KNL1: variants seen among roughly 807,000 people sequenced by gnomAD.
KNL1 encodes kinetochore scaffold 1, also known as outer kinetochore KNL1 complex subunit KNL1.
Under a neutral mutation model 201.3 loss-of-function variants are expected in KNL1, and 66 were observed. The ratio of observed to expected loss-of-function variants is 0.33; its 90% CI spans 0.27 to 0.40. KNL1 has a LOEUF of 0.40. Among genes scored for constraint, KNL1 ranks in the 10% least tolerant of loss-of-function variants. The pLI, the probability that KNL1 is intolerant of heterozygous loss-of-function variation, is 1.00. For synonymous variants in KNL1, 895 were observed against 899.2 expected (o/e 1.00, Z 0.08); for missense variants, 2,815 against 2,690.5 (o/e 1.05, Z -1.02).
intron 25 of KNL1, among the ~76,000 whole-genome samples, chr15:40,661,588 CA>C (rs1427283684): frequency 2.0e-5 from 3 of 152,206 alleles, no homozygotes; most frequent in Non-Finnish European, 4.4e-5. Flanking sequence ...AGATACTTCA[CA>C]ATTACATATA....
intron 14 of KNL1, among the ~76,000 whole-genome samples, chr15:40,642,305 G>C (rs375690034): frequency 6.6e-6 from 1 of 151,744 alleles, no homozygotes; most frequent in Non-Finnish European, 1.5e-5. Flanking sequence ...AGGCTGAGGC[G>C]GGAGAATGGC....
At chr15:40,661,867 C>T (rs550824708) in intron 25 of KNL1, among the ~76,000 whole-genome samples, 1 of 152,040 alleles carries the variant, frequency 6.6e-6, no homozygotes, top group Admixed American at 6.6e-5. Flanking sequence ...ACAGTGAAAC[C>T]CCATCTCTAC....
Position 40,625,713 on chromosome 15 carries a change from T to G in KNL1, c.5376+73T>G, listed in dbSNP as rs780145466. On this transcript the variant is annotated intron_variant, in intron 10 of 25. Coordinates refer to ENST00000399668, the MANE Select transcript of KNL1 (RefSeq NM_144508.5). ...TTTTGTTTTCTTAAATTGTGGGTAT[T>G]CTCAAATTTTAATCTTAGTCTCGGG... 7 of 1,185,502 alleles carry G rather than the reference T, an allele frequency of 5.9e-6. No homozygotes were observed. In the East Asian group the frequency reaches 1.2e-4, roughly 21 times the overall value. 73.4% of individuals were successfully genotyped at this position (1,185,502 alleles called of 1,614,324 possible).
intron 13 of KNL1, among the ~76,000 whole-genome samples, chr15:40,636,419 A>G (rs895315445): frequency 1.3e-5 from 2 of 152,226 alleles, no homozygotes; most frequent in East Asian, 1.9e-4. Context: ...GTGTTATGAA[A>G]GTTTATGATG....
intron 14 of KNL1, among the ~76,000 whole-genome samples, chr15:40,641,867 G>T (rs1893239277): frequency 1.3e-5 from 2 of 152,176 alleles, no homozygotes; most frequent in Non-Finnish European, 2.9e-5. Context: ...GTTTTACGTA[G>T]AAGATAGCTC....
rs576906125 is a variant in KNL1 at position 40,611,240 on chromosome 15, C to T, written c.251-238C>T. 1.5e-4 allele frequency among the ~76,000 whole-genome samples: 23 copies of T among 151,858 alleles called. No homozygotes were observed. The South Asian group carries it at 4.8e-3, about 32-fold the overall frequency. ...TCTCCTACCTCAGCCTCCTGAGTAG[C>T]TGGGATTACATGTGCACGCCACCAC... is the stretch of plus-strand genomic sequence containing the variant. On this transcript the variant is annotated intron_variant, in intron 6 of 25. Coordinates refer to ENST00000399668, the MANE Select transcript of KNL1 (RefSeq NM_144508.5).
At position 40,622,381 on chromosome 15, in the gene KNL1, G is replaced by C; in HGVS notation, c.2117G>C (p.Gly706Ala). The C allele has an allele frequency of 6.2e-7, 1 of 1,613,798 alleles. No individual in the cohort carries two copies. The highest frequency in any genetic ancestry group is 8.5e-7 in the Non-Finnish European group (1 of 1,179,828). Residue 706 changes from glycine to alanine, a missense_variant, in exon 10 of 26, where the codon GGA becomes GCA. Physicochemically the swap from Gly to Ala is moderately conservative, Grantham distance 60. This residue lies in a region of KNL1 where 2,464 missense variants were observed against 2,291.7 expected (regional missense o/e 1.08). Transcript: ENST00000399668. ...FSTTKPLFSS[G>A]QFSMKNHDTA... Reference sequence around the variant, plus strand: ...ACCACAAAGCCATTATTTTCATCAGGACAGTTCTCTATGAAAAATCATGAT... The same window carrying C: ...ACCACAAAGCCATTATTTTCATCAGCACAGTTCTCTATGAAAAATCATGAT...
intron 13 of KNL1, among the ~76,000 whole-genome samples, chr15:40,637,487 G>A (rs1305509107): frequency 1.3e-5 from 2 of 151,988 alleles, no homozygotes; most frequent in Admixed American, 6.6e-5. Context: ...ATATACTCCA[G>A]GTTGAGCATC....
intron 1 of KNL1, among the ~76,000 whole-genome samples, chr15:40,600,579 G>C (rs1891762276): frequency 6.6e-6 from 1 of 152,238 alleles, no homozygotes; most frequent in Admixed American, 6.5e-5. Flanking sequence ...GGCAGAGGCA[G>C]GTGGATCGAA....
intron 17 of KNL1, 135 bp from the exon 18 acceptor site, chr15:40,650,166 G>A: frequency 1.7e-6 from 1 of 581,930 alleles, no homozygotes; most frequent in African/African-American, 2.0e-5. Flanking sequence ...TAGAACTTCT[G>A]AACTTCCTAC....
intron 15 of KNL1, 31 bp from the exon 16 acceptor site, chr15:40,645,625 G>T: frequency 7.9e-7 from 1 of 1,260,208 alleles, no homozygotes; most frequent in Non-Finnish European, 1.1e-6. Flanking sequence ...GTTTGTTTTA[G>T]TACAGTGTTC....
At chr15:40,627,062 T>G (rs1892775118) in intron 10 of KNL1, among the ~76,000 whole-genome samples, 1 of 151,902 alleles carries the variant, frequency 6.6e-6, no homozygotes. Flanking sequence ...ACCCGGCTAA[T>G]CTTTGTATTT....
At chr15:40,607,942 C>G (rs1892026283) in intron 4 of KNL1, among the ~76,000 whole-genome samples, 1 of 151,964 alleles carries the variant, frequency 6.6e-6, no homozygotes, top group African/African-American at 2.4e-5. Flanking sequence ...AATTCCACTT[C>G]TGGATATATA....
At chr15:40,658,399 G>A (rs1201853602) in intron 24 of KNL1, among the ~76,000 whole-genome samples, 1 of 151,316 alleles carries the variant, frequency 6.6e-6, no homozygotes, top group Non-Finnish European at 1.5e-5. Context: ...CACGGTGGCA[G>A]GTGCCTGTAA....
chr15:40,651,312 A>C (rs1893555417), intron 19 of KNL1, among the ~76,000 whole-genome samples, 159 bp from the exon 20 acceptor site: 1 of 151,210 alleles, frequency 6.6e-6, no homozygotes, highest in Admixed American at 6.6e-5. Flanking sequence ...AAAAAAAAAA[A>C]CTAAACTAAG....
rs1444985789 is a variant in KNL1 at position 40,634,635 on chromosome 15, A to G, written c.5682+5264A>G. ...CCAGTAGAATCCTCTTGCCTCAGCTATAGATAGGGAGGAGAAAGGAGCTTA... is the reference window on the plus strand; with the variant it reads ...CCAGTAGAATCCTCTTGCCTCAGCTGTAGATAGGGAGGAGAAAGGAGCTTA... On this transcript the variant is annotated intron_variant, in intron 13 of 25. Transcript: ENST00000399668. Among the ~76,000 whole-genome samples, 4 of 152,232 alleles carry G rather than the reference A, an allele frequency of 2.6e-5. No individual in the cohort carries two copies. In the East Asian group the frequency reaches 5.8e-4, roughly 22 times the overall value.
In KNL1 at chr15:40,652,166, A is replaced by G. The variant is rs1893585415; in HGVS notation, c.6415+61A>G. ...AAATGAATGGCTACACTCACTAAAG[A>G]TTCAAATCTTTATTTTACTATACTG... is the stretch of plus-strand genomic sequence containing the variant. On this transcript the variant is annotated intron_variant, in intron 21 of 25. Transcript: ENST00000399668. 5 of 1,103,756 alleles carry G rather than the reference A, an allele frequency of 4.5e-6. No homozygotes were observed. The Admixed American group carries it at 9.0e-5, about 20-fold the overall frequency. 68.4% of individuals were successfully genotyped at this position (1,103,756 alleles called of 1,614,324 possible).
At chr15:40,652,171 A>C (rs944511564) in intron 21 of KNL1, 66 bp downstream of exon 21, 1 of 1,063,088 alleles carries the variant, frequency 9.4e-7, no homozygotes, top group African/African-American at 1.6e-5. Context: ...TAAAGATTCA[A>C]ATCTTTATTT....
intron 15 of KNL1, 43 bp from the exon 16 acceptor site, chr15:40,645,613 T>C: frequency 9.2e-7 from 1 of 1,081,192 alleles, no homozygotes; most frequent in South Asian, 1.6e-5. Context: ...CTCTTCTGAC[T>C]CGTTTGTTTT....
Sources: allele counts gnomAD v4.1 joint callset (sites outside exome capture counted in the v4.1 genomes callset), GRCh38; gene constraint gnomAD v4.1.1; regional missense constraint gnomAD v4.1.1; transcripts MANE v1.5; gene names NCBI Gene and HGNC (gene_info 2026-07-23, HGNC 2026-07-21).